Variants in TRAPPC9 observed in about 807,000 individuals in gnomAD.
The protein encoded by TRAPPC9 is trafficking protein particle complex subunit 9.
A neutral mutation model predicts 124.0 loss-of-function variants in TRAPPC9; 83 were observed. The ratio of observed to expected loss-of-function variants is 0.67; its 90% confidence interval spans 0.56 to 0.80. The LOEUF (loss-of-function observed/expected upper bound fraction) is 0.80. TRAPPC9 is among the 30% of genes least tolerant of loss of function. TRAPPC9 has a pLI of 0.00. For synonymous variants in TRAPPC9, 638 were observed against 617.5 expected (o/e 1.03, Z -0.49); for missense variants, 1,302 against 1,508.3 (o/e 0.86, Z 2.27).
intron 21 of TRAPPC9, among the ~76,000 whole-genome samples, chr8:139,883,958 C>G (rs1829843190): frequency 6.6e-6 from 1 of 152,178 alleles, no homozygotes; most frequent in Non-Finnish European, 1.5e-5. Flanking sequence ...ATGCCTGGGA[C>G]AGGAGATGCT....
chr8:140,292,563 T>C (rs1434899892), intron 11 of TRAPPC9, among the ~76,000 whole-genome samples: 1 of 152,224 alleles, frequency 6.6e-6, no homozygotes, highest in Non-Finnish European at 1.5e-5. Flanking sequence ...AGATGAGGAC[T>C]GACTCCACCA....
chr8:140,245,202 C>T (rs1232369769), intron 16 of TRAPPC9, among the ~76,000 whole-genome samples: 1 of 152,098 alleles, frequency 6.6e-6, no homozygotes, highest in Non-Finnish European at 1.5e-5. Flanking sequence ...AAGCAAACAC[C>T]CTAGAAAACA....
intron 17 of TRAPPC9, among the ~76,000 whole-genome samples, chr8:140,181,492 T>C (rs763803726): frequency 1.3e-5 from 2 of 152,196 alleles, no homozygotes; most frequent in Non-Finnish European, 2.9e-5. Context: ...GGTTTCACCA[T>C]GTTGGCCAGG....
At chr8:139,883,395 A>G (rs1829799063) in intron 21 of TRAPPC9, among the ~76,000 whole-genome samples, 1 of 152,244 alleles carries the variant, frequency 6.6e-6, no homozygotes, top group African/African-American at 2.4e-5. Flanking sequence ...TACAAAGAGG[A>G]AGAAAATCAG....
intron 20 of TRAPPC9, among the ~76,000 whole-genome samples, chr8:139,892,053 T>C (rs1050993657): frequency 1.3e-5 from 2 of 152,166 alleles, no homozygotes; most frequent in Non-Finnish European, 2.9e-5. Context: ...TGCATGAATA[T>C]GTGCATGCAC....
At chr8:139,926,607 T>C (rs58375543) in intron 19 of TRAPPC9, among the ~76,000 whole-genome samples, 1 of 140,362 alleles carries the variant, frequency 7.1e-6, no homozygotes, top group Non-Finnish European at 1.6e-5. Context: ...TGAATTAAAA[T>C]AAAAAAAAAA....
intron 10 of TRAPPC9, among the ~76,000 whole-genome samples, chr8:140,309,257 C>T (rs546073944): frequency 8.5e-5 from 13 of 152,362 alleles, no homozygotes; most frequent in African/African-American, 1.9e-4. Context: ...TGCTGCTCTG[C>T]GCTTTTGTGT....
At chr8:139,957,811 A>C (rs2665948) in intron 19 of TRAPPC9, among the ~76,000 whole-genome samples, 136,133 of 152,268 alleles carry the variant, frequency 0.89, 61,007 homozygotes, top group Middle Eastern at 0.99. Context: ...CCATCAGCAG[A>C]ATAAGGGGAG....
In TRAPPC9 at chr8:140,063,830, C is replaced by G. The variant is rs189108649; in HGVS notation, c.2557-39751G>C. Among the ~76,000 whole-genome samples, 1 of 152,220 alleles carries G rather than the reference C, an allele frequency of 6.6e-6. No homozygotes were observed. Among genetic ancestry groups the G allele is most frequent in the East Asian group, 1.9e-4 (1 of 5,166 alleles). ...CCATGTTGCCTGCTCTCTTGTCACC[C>G]TTTCGGGTTCACAATTTGCCCGCTT... On this transcript the variant is annotated intron_variant, in intron 17 of 22. Transcript: ENST00000438773. The surrounding 1 kb of genome is among the most constrained non-coding windows in gnomAD (Gnocchi z 4.3).
chr8:140,018,881 G>GT (rs35877227), intron 18 of TRAPPC9, among the ~76,000 whole-genome samples: 1 of 151,690 alleles, frequency 6.6e-6, no homozygotes, highest in African/African-American at 2.4e-5. Context: ...AACGTGCCTT[G>GT]TTATTCTTAG....
intron 16 of TRAPPC9, among the ~76,000 whole-genome samples, chr8:140,249,810 A>G (rs919541143): frequency 9.9e-5 from 15 of 151,820 alleles, no homozygotes; most frequent in South Asian, 2.1e-4. Flanking sequence ...GGGTTTCACC[A>G]TGTTAGCCAG....
chr8:139,774,346 G>A (rs1250962083), intron 21 of TRAPPC9, among the ~76,000 whole-genome samples: 1 of 152,212 alleles, frequency 6.6e-6, no homozygotes, highest in Non-Finnish European at 1.5e-5. Flanking sequence ...GGGACTGGGG[G>A]CGCGGTGGGC....
chr8:140,362,880 C>T (rs1283605009), intron 8 of TRAPPC9, among the ~76,000 whole-genome samples: 1 of 152,194 alleles, frequency 6.6e-6, no homozygotes, highest in African/African-American at 2.4e-5. Flanking sequence ...AGATAATGAT[C>T]CAGTTCCTAC....
intron 9 of TRAPPC9, among the ~76,000 whole-genome samples, chr8:140,339,396 T>C (rs544737635): frequency 6.6e-6 from 1 of 152,332 alleles, no homozygotes; most frequent in South Asian, 2.1e-4. Context: ...CGGCTTGAAA[T>C]TATCAATCAA....
intron 21 of TRAPPC9, among the ~76,000 whole-genome samples, chr8:139,805,044 T>C (rs1823946132): frequency 6.6e-6 from 1 of 152,158 alleles, no homozygotes; most frequent in Admixed American, 6.5e-5. Context: ...GGGGTCCTCA[T>C]GCTGGGGTCC....
In TRAPPC9 at chr8:139,788,108, A is replaced by T. The variant is rs112521845; in HGVS notation, c.3056-55906T>A. ...GCTTCAGCCCAGAAGCCACTTCCCC[A>T]CTGCACTGGTTTCTGCTGGGGACAA... On this transcript the variant is annotated intron_variant, in intron 21 of 22. Coordinates refer to ENST00000438773, the MANE Select transcript of TRAPPC9 (RefSeq NM_001160372.4). The surrounding 1 kb of genome is among the most constrained non-coding windows in gnomAD (Gnocchi z 4.9). Among the ~76,000 whole-genome samples, 15,531 of 152,076 alleles carry T rather than the reference A, an allele frequency of 0.1. 1,018 individuals carry two copies. Among genetic ancestry groups the T allele is most frequent in the African/African-American group, 0.17 (6,876 of 41,460 alleles).
chr8:140,279,343 G>A (rs942119415), intron 14 of TRAPPC9, among the ~76,000 whole-genome samples: 3 of 152,150 alleles, frequency 2.0e-5, no homozygotes, highest in African/African-American at 7.2e-5. Flanking sequence ...TAAAGCACAT[G>A]GTAGGTGTCG....
chr8:140,028,349 G>T (rs894557903), intron 17 of TRAPPC9, among the ~76,000 whole-genome samples: 1 of 152,068 alleles, frequency 6.6e-6, no homozygotes, highest in Non-Finnish European at 1.5e-5. Context: ...TATTTTCTAG[G>T]CACACAACTT....
intron 18 of TRAPPC9, among the ~76,000 whole-genome samples, chr8:139,991,962 C>T (rs1837678276): frequency 6.6e-6 from 1 of 152,100 alleles, no homozygotes; most frequent in Non-Finnish European, 1.5e-5. Flanking sequence ...AACACAAGAT[C>T]CCTACATTCA....
Sources: gnomAD v4.1 joint callset for allele counts (sites outside exome capture counted in the v4.1 genomes callset) on GRCh38, gnomAD v4.1.1 for gene constraint, Gnocchi (gnomAD v3.1) non-coding constraint, MANE v1.5 for transcripts, NCBI Gene and HGNC (gene_info 2026-07-23, HGNC 2026-07-21) for gene names.